The following IL1RAPL2 variants were observed in gnomAD, a reference collection of about 807,000 sequenced individuals.
IL1RAPL2 encodes the protein interleukin 1 receptor accessory protein like 2.
A neutral mutation model predicts 44.1 loss-of-function variants in IL1RAPL2; 3 were observed. That is an observed-to-expected ratio of 0.07 (90% CI 0.03 to 0.18). The LOEUF (loss-of-function observed/expected upper bound fraction) is 0.18, where lower values mean the gene tolerates loss of function less well. IL1RAPL2 is among the 10% of genes least tolerant of loss of function. The pLI, the probability that IL1RAPL2 is intolerant of heterozygous loss-of-function variation, is 1.00. For synonymous variants in IL1RAPL2, 181 were observed against 178.8 expected (o/e 1.01, Z -0.10); for missense variants, 391 against 496.4 (o/e 0.79, Z 2.02).
chrX:104,657,122 C>G (rs1282330597), intron 1 of IL1RAPL2, among the ~76,000 whole-genome samples: 1 of 111,289 alleles, frequency 9.0e-6, no homozygotes, highest in African/African-American at 3.3e-5. Flanking sequence ...GGTCTTGACT[C>G]TTTATCCAAT....
chrX:105,645,399 A>C (rs1007087902), intron 6 of IL1RAPL2, among the ~76,000 whole-genome samples: 1 of 112,174 alleles, frequency 8.9e-6, no homozygotes, highest in Non-Finnish European at 1.9e-5. Context: ...CTAATCAAAT[A>C]GTAAAATCTG....
intron 1 of IL1RAPL2, among the ~76,000 whole-genome samples, chrX:104,631,611 G>A (rs1275391134): frequency 3.6e-5 from 4 of 112,067 alleles, no homozygotes; most frequent in Non-Finnish European, 7.5e-5. Flanking sequence ...ATTTTTTCAT[G>A]TGTCTTTTGG....
At chrX:104,948,765 A>G (rs1414693755) in intron 2 of IL1RAPL2, among the ~76,000 whole-genome samples, 1 of 109,341 alleles carries the variant, frequency 9.1e-6, no homozygotes, top group Non-Finnish European at 1.9e-5. Flanking sequence ...CCAGGGATGA[A>G]GCCCACTTGA....
intron 2 of IL1RAPL2, among the ~76,000 whole-genome samples, chrX:104,918,140 C>T (rs1322121760): frequency 1.8e-5 from 2 of 112,208 alleles, no homozygotes; most frequent in East Asian, 2.8e-4. Flanking sequence ...CTCAACTGAA[C>T]GTTTGCAATT....
chrX:105,365,073 C>T (rs1269822909), intron 5 of IL1RAPL2, among the ~76,000 whole-genome samples: 2 of 111,311 alleles, frequency 1.8e-5, no homozygotes, highest in Non-Finnish European at 3.8e-5. Flanking sequence ...AGGTACATTC[C>T]TTCTATACCA....
intron 6 of IL1RAPL2, among the ~76,000 whole-genome samples, chrX:105,494,804 A>G (rs1397680637): frequency 6.3e-5 from 7 of 111,482 alleles, no homozygotes; most frequent in Non-Finnish European, 9.4e-5. Context: ...ACAGGGACAC[A>G]TCACTATGCC....
At chrX:104,831,886 A>G (rs1264308727) in intron 2 of IL1RAPL2, among the ~76,000 whole-genome samples, 1 of 111,702 alleles carries the variant, frequency 9.0e-6, no homozygotes, top group Non-Finnish European at 1.9e-5. Context: ...ACATTTTCCG[A>G]TCTCTTCTTA....
chrX:104,981,531 G>T (rs1467048674), intron 2 of IL1RAPL2, among the ~76,000 whole-genome samples: 3 of 111,035 alleles, frequency 2.7e-5, no homozygotes, highest in Non-Finnish European at 5.7e-5. Context: ...TCTGAAGAAA[G>T]TTTGATTTCC....
chrX:105,705,449 A>T (rs2038158572), intron 6 of IL1RAPL2, among the ~76,000 whole-genome samples: 1 of 110,997 alleles, frequency 9.0e-6, no homozygotes, highest in African/African-American at 3.3e-5. Context: ...TACAGAAGTA[A>T]ATACAAGACA....
chrX:105,193,556 G>A (rs1329913462), intron 2 of IL1RAPL2, among the ~76,000 whole-genome samples: 1 of 111,944 alleles, frequency 8.9e-6, no homozygotes, highest in African/African-American at 3.2e-5. Context: ...TGATCCAGAG[G>A]TGTATCACTA....
intron 3 of IL1RAPL2, among the ~76,000 whole-genome samples, chrX:105,221,699 T>A: frequency 8.9e-6 from 1 of 112,108 alleles, no homozygotes; most frequent in East Asian, 2.8e-4. Flanking sequence ...ACATGCTAAG[T>A]TAGTTTGCGG....
chrX:104,773,827 A>G (rs1932677339), intron 2 of IL1RAPL2, among the ~76,000 whole-genome samples: 1 of 112,062 alleles, frequency 8.9e-6, no homozygotes, highest in Non-Finnish European at 1.9e-5. Context: ...GGAATTTTTC[A>G]TTATGTGATC....
intron 1 of IL1RAPL2, among the ~76,000 whole-genome samples, chrX:104,574,729 A>C (rs1166594584): frequency 8.9e-6 from 1 of 112,184 alleles, no homozygotes; most frequent in African/African-American, 3.2e-5. Context: ...AAGACAAAGC[A>C]GACCTACATT....
intron 2 of IL1RAPL2, among the ~76,000 whole-genome samples, chrX:105,054,290 C>T (rs2031966075): frequency 9.0e-6 from 1 of 111,565 alleles, no homozygotes; most frequent in African/African-American, 3.3e-5. Context: ...GTAAACTCCA[C>T]ACAGATAGTG....
intron 2 of IL1RAPL2, among the ~76,000 whole-genome samples, chrX:104,761,911 CCTT>C (rs1932451883): frequency 2.5e-5 from 1 of 40,731 alleles, no homozygotes; most frequent in South Asian, 1.2e-3. Context: ...TTCTCCTTCT[CCTT>C]CTCCTTCTCC....
At chrX:105,151,004 G>C (rs1028781197) in intron 2 of IL1RAPL2, among the ~76,000 whole-genome samples, 2 of 112,098 alleles carry the variant, frequency 1.8e-5, no homozygotes, top group African/African-American at 6.5e-5. Flanking sequence ...CTATTTCAAA[G>C]TTTGCTATAT....
intron 2 of IL1RAPL2, among the ~76,000 whole-genome samples, chrX:104,852,993 C>T (rs2147643081): frequency 8.9e-6 from 1 of 111,822 alleles, no homozygotes; most frequent in African/African-American, 3.2e-5. Context: ...CAAACATCAT[C>T]TGCTACAACC....
intron 5 of IL1RAPL2, among the ~76,000 whole-genome samples, chrX:105,353,246 C>T (rs933487335): frequency 1.2e-3 from 132 of 110,839 alleles, no homozygotes; most frequent in African/African-American, 2.7e-3. Flanking sequence ...GTTGTAGATA[C>T]GCGGCATTAT....
chrX:105,545,423 A>G (rs1463804930), intron 6 of IL1RAPL2, among the ~76,000 whole-genome samples: 2 of 112,474 alleles, frequency 1.8e-5, no homozygotes, highest in African/African-American at 6.5e-5. Flanking sequence ...TGGTAGAAAG[A>G]AAGTGACTAT....
Sources: allele counts gnomAD v4.1 joint callset (sites outside exome capture counted in the v4.1 genomes callset), GRCh38; gene constraint gnomAD v4.1.1; transcripts MANE v1.5; gene names NCBI Gene and HGNC (gene_info 2026-07-23, HGNC 2026-07-21).